The following ERICH1 variants were observed in gnomAD, a reference collection of about 807,000 sequenced individuals.
ERICH1 encodes glutamate rich 1.
In ERICH1, 56 loss-of-function variants were observed where a neutral mutation model predicts 39.6. The ratio of observed to expected loss-of-function variants is 1.41; its 90% CI spans 1.14 to 1.77. The LOEUF is 1.77. ERICH1 is among the 40% of genes most tolerant of loss of function. The pLI is 0.00. For synonymous variants in ERICH1, 313 were observed against 223.6 expected, an observed-to-expected ratio of 1.40 and a Z score of -3.57; for missense variants, 826 against 575.4, an observed-to-expected ratio of 1.44 and a Z score of -4.45.
rs1205181234 is a variant in ERICH1 at position 648,342 on chromosome 8, C to T, written c.976+20256G>A. On this transcript the variant is annotated intron_variant, in intron 3 of 3. Coordinates refer to the ERICH1 transcript ENST00000522706. ...ATCATCCTGTGTACTTTAATGGAAA[C>T]GACTCAAATCCACACATCAGGCCCA... 7.9e-5 allele frequency among the ~76,000 whole-genome samples: 5 copies of T among 63,156 alleles called. 2 individuals carry two copies. The highest frequency in any genetic ancestry group is 2.1e-4 in the African/African-American group (5 of 23,370). The allele number at this position is 63,156 out of a possible 152,430, so 41.4% of individuals were successfully genotyped here. A position where few individuals can be genotyped will look rare whatever the true frequency, so the allele number is the denominator to read the frequency against.
At chr8:708,701 T>TGTTTTTTTTTTTTTTG (rs1813996325) in intron 2 of ERICH1, among the ~76,000 whole-genome samples, 1 of 136,576 alleles carries the variant, frequency 7.3e-6, no homozygotes, top group Non-Finnish European at 1.6e-5. Context: ...TTTTTTTTTT[T>TGTTTTTTTTTTTTTTG]TTTTTTTTTT....
intron 2 of ERICH1, among the ~76,000 whole-genome samples, chr8:705,478 G>A (rs1308255963): frequency 6.6e-6 from 1 of 152,088 alleles, no homozygotes; most frequent in Middle Eastern, 3.4e-3. Flanking sequence ...AAAATATGTT[G>A]TTCATGATTA....
Position 673,721 on chromosome 8 carries a change from C to G in ERICH1, c.631G>C (p.Val211Leu), listed in dbSNP as rs779022181. Residue 211 changes from valine to leucine, a missense_variant, in exon 4 of 6, where the codon GTG (valine) becomes CTG (leucine). Physicochemically the swap from Val to Leu is conservative, Grantham distance 32 (BLOSUM62 1). Coordinates refer to ENST00000262109, the MANE Select transcript of ERICH1 (RefSeq NM_207332.3). ...GVGEACEEDG[V>L]DTSEEDPTLA... ...GTCGGGTCTTCCTCGCTGGTGTCCA[C>G]ACCATCCTCCTCACAAGCCTCTCCC... is the stretch of plus-strand genomic sequence containing the variant. 2.5e-6 allele frequency: 4 copies of G among 1,614,100 alleles called. No homozygotes were observed. The highest frequency in any genetic ancestry group is 3.4e-6 in the Non-Finnish European group (4 of 1,180,030).
At chr8:632,071 C>T (rs960003135) in intron 3 of ERICH1, among the ~76,000 whole-genome samples, 1 of 152,192 alleles carries the variant, frequency 6.6e-6, no homozygotes, top group African/African-American at 2.4e-5. Context: ...GACACAGGCT[C>T]TACTCTCCGA....
intron 5 of ERICH1, 66 bp downstream of exon 5, chr8:668,526 GTAAGTC>G: frequency 6.5e-7 from 1 of 1,545,250 alleles, no homozygotes; most frequent in African/African-American, 1.4e-5. Context: ...TTGGTGGCGT[GTAAGTC>G]TTTCAGAGGC....
intron 3 of ERICH1, chr8:637,474 A>G (rs336418): frequency 0.39 from 59,030 of 152,148 alleles, 11,566 homozygotes; most frequent in Middle Eastern, 0.49. Context: ...GGATTTCTGT[A>G]TCCCTGCAGA....
chr8:686,442 G>C (rs1017256811), intron 3 of ERICH1, among the ~76,000 whole-genome samples: 3 of 151,182 alleles, frequency 2.0e-5, no homozygotes, highest in African/African-American at 7.3e-5. Context: ...TTCTTCCTAG[G>C]CAAGCTAAAA....
chr8:658,501 G>A (rs772464151), intron 3 of ERICH1, among the ~76,000 whole-genome samples: 4 of 152,150 alleles, frequency 2.6e-5, no homozygotes, highest in Non-Finnish European at 4.4e-5. Flanking sequence ...TCCCATCCCC[G>A]AGGCACAGTT....
chr8:676,794 C>T (rs1055799502), intron 3 of ERICH1, among the ~76,000 whole-genome samples: 2 of 152,238 alleles, frequency 1.3e-5, no homozygotes, highest in Non-Finnish European at 2.9e-5. Flanking sequence ...CTGCACCACG[C>T]CAAGGGCGGG....
chr8:711,688 A>G (rs2132306905), intron 2 of ERICH1, among the ~76,000 whole-genome samples: 1 of 152,224 alleles, frequency 6.6e-6, no homozygotes, highest in South Asian at 2.1e-4. Context: ...TATTAGAGAC[A>G]GGGTTTCACC....
chr8:720,850 G>A (rs574848489), intron 1 of ERICH1, among the ~76,000 whole-genome samples: 7 of 152,174 alleles, frequency 4.6e-5, no homozygotes, highest in East Asian at 1.9e-4. Context: ...GGAGGTCACC[G>A]TATCTGCTCC....
chr8:639,237 C>G (rs1798714787), intron 3 of ERICH1, among the ~76,000 whole-genome samples: 1 of 152,126 alleles, frequency 6.6e-6, no homozygotes, highest in African/African-American at 2.4e-5. Flanking sequence ...CCCACTCATC[C>G]CATCACTGAG....
intron 3 of ERICH1, chr8:616,653 G>C (rs139549200): frequency 6.6e-6 from 3 of 453,300 alleles, no homozygotes; most frequent in African/African-American, 6.1e-5. Context: ...AGAGACAGAC[G>C]GGGGCGCGGG....
At chr8:713,637 G>A (rs1454655985) in intron 2 of ERICH1, among the ~76,000 whole-genome samples, 1 of 152,178 alleles carries the variant, frequency 6.6e-6, no homozygotes, top group African/African-American at 2.4e-5. Context: ...TCACCACACA[G>A]AATATTACGT....
rs1223876846 is a variant in ERICH1, at chr8:673,450, G to T, written c.902C>A (p.Ala301Asp). The change falls in exon 4 of 6, where the codon GCC (alanine) becomes GAC (aspartate). Residue 301 changes from alanine to aspartate, a missense_variant. By Grantham distance (126) the Ala-to-Asp change is moderately radical. Transcript: ENST00000262109. ...KDTREEDGADASEEDPTWAGE... is the reference protein window; with the variant it reads ...KDTREEDGADDSEEDPTWAGE... Reference sequence around the variant, plus strand: ...AGCCCATGTCGGGTCTTCCTCGCTGGCGTCCGCACCGTCCTCCTCCCTGGT... The same window carrying T: ...AGCCCATGTCGGGTCTTCCTCGCTGTCGTCCGCACCGTCCTCCTCCCTGGT... 6.2e-7 allele frequency: 1 copy of T among 1,613,770 alleles called. No individual in the cohort carries two copies. Among genetic ancestry groups the T allele is most frequent in the Admixed American group, 1.7e-5 (1 of 59,932 alleles).
chr8:634,132 G>A (rs1349572317), intron 3 of ERICH1, among the ~76,000 whole-genome samples: 1 of 126,284 alleles, frequency 7.9e-6, no homozygotes, highest in Non-Finnish European at 1.6e-5. Flanking sequence ...CTAGTAAGGG[G>A]TTAAAAACCA....
At chr8:658,615 G>T in intron 3 of ERICH1, among the ~76,000 whole-genome samples, 1 of 152,194 alleles carries the variant, frequency 6.6e-6, no homozygotes. Context: ...TGCATTTGGA[G>T]ACAAGACCTT....
intron 3 of ERICH1, among the ~76,000 whole-genome samples, chr8:628,346 G>C (rs986949012): frequency 6.6e-6 from 1 of 152,208 alleles, no homozygotes; most frequent in African/African-American, 2.4e-5. Context: ...TTTACTGGGA[G>C]TTTCTCTTGA....
rs150489346 is a variant in ERICH1, at chr8:673,676, C to T, written c.676G>A (p.Val226Ile). 9.3e-6 allele frequency: 15 copies of T among 1,613,730 alleles called. No individual in the cohort carries two copies. The highest frequency in any genetic ancestry group is 1.7e-5 in the Admixed American group (1 of 59,958). The change falls in exon 4 of 6, where the codon GTT (valine) becomes ATT (isoleucine). Residue 226 changes from valine (V) to isoleucine (I), a missense_variant. Coordinates refer to ENST00000262109, the MANE Select transcript of ERICH1 (RefSeq NM_207332.3). Reference sequence around the variant, plus strand: ...CCATCTTCCTCCCTGGTATCTTTAACGTCTTCCTCCCCGGCCAGTGTCGGG... The same window carrying T: ...CCATCTTCCTCCCTGGTATCTTTAATGTCTTCCTCCCCGGCCAGTGTCGGG... ...EDPTLAGEEDVKDTREEDGAD... is the reference protein window; with the variant it reads ...EDPTLAGEEDIKDTREEDGAD...
Sources: allele counts gnomAD v4.1 joint callset (sites outside exome capture counted in the v4.1 genomes callset), GRCh38; gene constraint gnomAD v4.1.1; transcripts MANE v1.5; gene names NCBI Gene and HGNC (gene_info 2026-07-23, HGNC 2026-07-21).